FHIP2A: variants seen among roughly 807,000 people sequenced by gnomAD.
FHIP2A encodes family with sequence similarity 160 member B1.
FHIP2A carries 46 observed loss-of-function variants against 93.5 expected under a neutral mutation model. The ratio of observed to expected loss-of-function variants is 0.49; its 90% CI spans 0.39 to 0.63. The LOEUF (loss-of-function observed/expected upper bound fraction) is 0.63, where lower values mean the gene tolerates loss of function less well. Ranked by LOEUF, FHIP2A falls within the 20% of genes least tolerant of loss-of-function variation. The pLI is 0.00. For synonymous variants in FHIP2A, 332 were observed against 326.5 expected, an observed-to-expected ratio of 1.02 and a Z score of -0.18; for missense variants, 769 against 909.7, an observed-to-expected ratio of 0.85 and a Z score of 1.99.
At chr10:114,872,492 C>G (rs2083864706) in intron 16 of FHIP2A, among the ~76,000 whole-genome samples, 1 of 152,158 alleles carries the variant, frequency 6.6e-6, no homozygotes, top group Admixed American at 6.5e-5. Flanking sequence ...GCCATAGAGC[C>G]TCTCACTGCT....
intron 13 of FHIP2A, 79 bp downstream of exon 13, chr10:114,848,816 A>T (rs1169331290): frequency 4.5e-6 from 4 of 889,872 alleles, no homozygotes; most frequent in Non-Finnish European, 7.3e-6. Context: ...GCCCACCACC[A>T]CTGCTCCAAG....
chr10:114,845,548 C>A, intron 8 of FHIP2A, 67 bp downstream of exon 8: 3 of 934,054 alleles, frequency 3.2e-6, no homozygotes, highest in East Asian at 2.6e-5. Context: ...AAATTGGAAT[C>A]CCTAATTTAT....
intron 1 of FHIP2A, among the ~76,000 whole-genome samples, chr10:114,823,793 C>A (rs1320138838): frequency 2.0e-5 from 3 of 151,946 alleles, no homozygotes; most frequent in African/African-American, 4.8e-5. Flanking sequence ...CCACCACACC[C>A]GGCCCGAATC....
chr10:114,854,941 TA>T (rs1438944084), intron 13 of FHIP2A, among the ~76,000 whole-genome samples: 1 of 152,190 alleles, frequency 6.6e-6, no homozygotes, highest in Non-Finnish European at 1.5e-5. Flanking sequence ...AAAGAGCTGT[TA>T]GGGGTATTTT....
At chr10:114,898,732 A>G (rs184250462) in intron 16 of FHIP2A, among the ~76,000 whole-genome samples, 23 of 152,198 alleles carry the variant, frequency 1.5e-4, no homozygotes, top group African/African-American at 5.1e-4. Flanking sequence ...CCTGACTGAT[A>G]CAAAAATGAT....
At chr10:114,873,148 G>A (rs535315057) in intron 16 of FHIP2A, among the ~76,000 whole-genome samples, 2 of 152,336 alleles carry the variant, frequency 1.3e-5, no homozygotes, top group Admixed American at 6.5e-5. Flanking sequence ...CTGAGGAGTG[G>A]TTGCTATTAG....
chr10:114,858,433 T>C (rs1328087501), intron 14 of FHIP2A, among the ~76,000 whole-genome samples: 1 of 152,184 alleles, frequency 6.6e-6, no homozygotes, highest in Non-Finnish European at 1.5e-5. Context: ...AAAGTCTAAA[T>C]AGTAATGTAT....
At chr10:114,849,482 C>T (rs955122564) in intron 13 of FHIP2A, among the ~76,000 whole-genome samples, 1 of 152,170 alleles carries the variant, frequency 6.6e-6, no homozygotes, top group Admixed American at 6.6e-5. Context: ...CTCACTCAAA[C>T]GACTTGCTCA....
intron 13 of FHIP2A, among the ~76,000 whole-genome samples, chr10:114,849,449 GC>G (rs1159099910): frequency 3.9e-5 from 6 of 152,048 alleles, no homozygotes; most frequent in Non-Finnish European, 8.8e-5. Context: ...CACTCCTTCA[GC>G]CCCGGAATTT....
intron 3 of FHIP2A, among the ~76,000 whole-genome samples, chr10:114,834,112 A>G (rs1386640762): frequency 6.6e-6 from 1 of 152,208 alleles, no homozygotes; most frequent in Admixed American, 6.5e-5. Flanking sequence ...GTGAATTTCT[A>G]TGATATATGT....
chr10:114,852,493 C>G (rs1007196926), intron 13 of FHIP2A, among the ~76,000 whole-genome samples: 1 of 152,194 alleles, frequency 6.6e-6, no homozygotes, highest in Non-Finnish European at 1.5e-5. Flanking sequence ...GCCTGGGATT[C>G]ATTCATCTTC....
chr10:114,886,129 T>C (rs1057098518), intron 16 of FHIP2A, among the ~76,000 whole-genome samples: 2 of 152,208 alleles, frequency 1.3e-5, no homozygotes, highest in South Asian at 4.1e-4. Context: ...TTAACACTTA[T>C]GAAGAGCTAG....
rs2083810020 is a variant in FHIP2A, at chr10:114,863,100, A to G, written c.*1560A>G. The G allele has an allele frequency of 1.0e-6, 1 of 982,410 alleles. No homozygotes were observed. Among genetic ancestry groups the G allele is most frequent in the African/African-American group, 1.7e-5 (1 of 57,312 alleles). The allele number at this position is 982,410 out of a possible 1,614,324, so 60.9% of individuals were successfully genotyped here. A position where few individuals can be genotyped will look rare whatever the true frequency, so the allele number is the denominator to read the frequency against. On this transcript the variant is annotated 3_prime_UTR_variant, in exon 17 of 17. Coordinates refer to ENST00000369248, the MANE Select transcript of FHIP2A (RefSeq NM_020940.4). ...TTACCACTGTTAAAACAACAAAAAG[A>G]CTAAACCTCTAATTTCATGCAAATC...
chr10:114,840,107 G>T (rs1474055353), intron 5 of FHIP2A, among the ~76,000 whole-genome samples: 1 of 151,996 alleles, frequency 6.6e-6, no homozygotes, highest in Non-Finnish European at 1.5e-5. Context: ...TTTGAAATGA[G>T]GCTGGGCGCG....
chr10:114,892,989 G>A (rs1341788933), intron 16 of FHIP2A, among the ~76,000 whole-genome samples: 2 of 151,984 alleles, frequency 1.3e-5, no homozygotes, highest in African/African-American at 4.8e-5. Flanking sequence ...TGTGGAGAGG[G>A]GTAGCTTATG....
In FHIP2A at chr10:114,827,564, A is replaced by G. The variant is rs534683599; in HGVS notation, c.46-3288A>G. ...TGTAATCCCAGCACTTTGGGAGGCC[A>G]AGGCGGGCGGATCATGAGGTCAGGA... On this transcript the variant is annotated intron_variant, in intron 1 of 16. Transcript: ENST00000369248. Among the ~76,000 whole-genome samples, 13 of 152,230 alleles carry G rather than the reference A, an allele frequency of 8.5e-5. No individual in the cohort carries two copies. In the East Asian group the frequency reaches 1.7e-3, roughly 20 times the overall value.
Position 114,862,575 on chromosome 10 carries a change from G to A in FHIP2A, c.*1035G>A. 2.0e-6 allele frequency: 2 copies of A among 986,764 alleles called. No homozygotes were observed. The highest frequency in any genetic ancestry group is 1.2e-6 in the Non-Finnish European group (1 of 829,582). The allele number at this position is 986,764 out of a possible 1,614,324, so 61.1% of individuals were successfully genotyped here. A position where few individuals can be genotyped will look rare whatever the true frequency, so the allele number is the denominator to read the frequency against. ...GATTAAAGAAAACAGAGTTTTAAAT[G>A]TCCTATTTACATGTTAAAGGATTTG... On this transcript the variant is annotated 3_prime_UTR_variant, in exon 17 of 17. Coordinates refer to ENST00000369248, the MANE Select transcript of FHIP2A (RefSeq NM_020940.4).
intron 16 of FHIP2A, among the ~76,000 whole-genome samples, chr10:114,885,742 G>T (rs1219813228): frequency 6.6e-6 from 1 of 152,160 alleles, no homozygotes; most frequent in African/African-American, 2.4e-5. Context: ...AGCTCCTGCA[G>T]GAATAATCAT....
Position 114,861,763 on chromosome 10 carries a change from C to A in FHIP2A, c.*223C>A. On this transcript the variant is annotated 3_prime_UTR_variant, in exon 17 of 17. Transcript: ENST00000369248. The stretch of plus-strand genomic sequence containing the variant: ...CATAATGGTTCTATATATACAATTG[C>A]ACATTGTTGAATCCAGGATACAATC... The A allele has an allele frequency of 1.6e-6, 2 of 1,219,716 alleles. No individual in the cohort carries two copies. Among genetic ancestry groups the A allele is most frequent in the South Asian group, 2.4e-5 (1 of 42,408 alleles). 75.6% of individuals were successfully genotyped at this position (1,219,716 alleles called of 1,614,324 possible). A position where few individuals can be genotyped will look rare whatever the true frequency, so the allele number is the denominator to read the frequency against.
Sources: allele counts gnomAD v4.1 joint callset (sites outside exome capture counted in the v4.1 genomes callset), GRCh38; gene constraint gnomAD v4.1.1; transcripts MANE v1.5; gene names NCBI Gene and HGNC (gene_info 2026-07-23, HGNC 2026-07-21).